The following NDUFAF6 variants were observed in gnomAD, a reference collection of about 807,000 sequenced individuals.
NDUFAF6 encodes NADH:ubiquinone oxidoreductase complex assembly factor 6.
In NDUFAF6, 45 loss-of-function variants were observed where a neutral mutation model predicts 40.8. The ratio of observed to expected loss-of-function variants is 1.10; its 90% CI spans 0.87 to 1.42. The LOEUF is 1.42. NDUFAF6 is among the 40% of genes most tolerant of loss of function. NDUFAF6 has a pLI of 0.00. For missense variants in NDUFAF6, 435 were observed against 418.5 expected, an observed-to-expected ratio of 1.04 and a Z score of -0.34; for synonymous variants, 185 against 155.9, an observed-to-expected ratio of 1.19 and a Z score of -1.39.
intron 1 of NDUFAF6, among the ~76,000 whole-genome samples, chr8:95,027,690 T>G (rs1235456772): frequency 6.6e-6 from 1 of 152,162 alleles, no homozygotes; most frequent in Non-Finnish European, 1.5e-5. Flanking sequence ...AAAAAATGCT[T>G]AGCAGAGTTC....
intron 1 of NDUFAF6, among the ~76,000 whole-genome samples, chr8:94,961,446 G>A (rs1823562356): frequency 6.6e-6 from 1 of 152,190 alleles, no homozygotes; most frequent in African/African-American, 2.4e-5. Context: ...TTTTGAGACG[G>A]AGTCTCGCTC....
intron 1 of NDUFAF6, among the ~76,000 whole-genome samples, chr8:94,933,648 C>T (rs559259053): frequency 1.3e-5 from 2 of 152,060 alleles, no homozygotes; most frequent in African/African-American, 4.8e-5. Flanking sequence ...GCCTGTAGTC[C>T]CAGCTAATCG....
chr8:95,087,154 C>A (rs777540923), intron 2 of NDUFAF6, among the ~76,000 whole-genome samples: 26 of 151,972 alleles, frequency 1.7e-4, no homozygotes, highest in African/African-American at 2.7e-4. Context: ...TGGATACACA[C>A]ACACAGGCGC....
chr8:94,989,088 T>G (rs1826075279), intron 2 of NDUFAF6: 2 of 152,208 alleles, frequency 1.3e-5, no homozygotes. Flanking sequence ...AAACTCTGCA[T>G]ATACTGAAAA....
intron 2 of NDUFAF6, chr8:95,034,867 T>C: frequency 6.4e-6 from 1 of 155,336 alleles, no homozygotes; most frequent in Non-Finnish European, 1.4e-5. Flanking sequence ...GATTCTTGCC[T>C]GAACCTAAGA....
At chr8:94,958,416 C>G (rs1321577883) in intron 1 of NDUFAF6, among the ~76,000 whole-genome samples, 1 of 151,724 alleles carries the variant, frequency 6.6e-6, no homozygotes, top group Non-Finnish European at 1.5e-5. Context: ...TGTCTGCATC[C>G]TAATCTCCTC....
chr8:94,978,945 A>C (rs1180905227), intron 1 of NDUFAF6, among the ~76,000 whole-genome samples: 1 of 152,140 alleles, frequency 6.6e-6, no homozygotes, highest in African/African-American at 2.4e-5. Flanking sequence ...TAGTGTCATA[A>C]TTAAATTGTG....
chr8:95,082,854 G>A (rs1010392734), intron 2 of NDUFAF6, among the ~76,000 whole-genome samples: 14 of 152,108 alleles, frequency 9.2e-5, no homozygotes, highest in African/African-American at 3.4e-4. Flanking sequence ...TAGAGACGGG[G>A]TTTCACCGTT....
At chr8:95,048,629 G>T in intron 7 of NDUFAF6, 71 bp downstream of exon 7, 1 of 1,069,314 alleles carries the variant, frequency 9.4e-7, no homozygotes, top group South Asian at 1.3e-5. Context: ...CTTAGAACAT[G>T]GTTATGATAT....
intron 2 of NDUFAF6, among the ~76,000 whole-genome samples, chr8:95,087,335 A>G (rs1481498358): frequency 6.6e-6 from 1 of 152,074 alleles, no homozygotes; most frequent in Non-Finnish European, 1.5e-5. Flanking sequence ...TTATACCCAT[A>G]TCTGTGATTC....
At chr8:95,042,920 C>A (rs73276474) in intron 4 of NDUFAF6, among the ~76,000 whole-genome samples, 4,686 of 152,204 alleles carry the variant, frequency 0.031, 247 homozygotes, top group African/African-American at 0.1. Context: ...TGCTGGGACA[C>A]TTGGATACCT....
downstream of NDUFAF6, among the ~76,000 whole-genome samples, chr8:95,105,586 G>T (rs146115418): frequency 0.012 from 1,867 of 152,098 alleles, 14 homozygotes; most frequent in Middle Eastern, 0.02. Flanking sequence ...CCAGGCTGGA[G>T]TGCCTCCTGG....
At chr8:95,045,892 A>G (rs1340840394) in intron 5 of NDUFAF6, among the ~76,000 whole-genome samples, 2 of 152,110 alleles carry the variant, frequency 1.3e-5, no homozygotes, top group Non-Finnish European at 2.9e-5. Flanking sequence ...GAATGTTGAA[A>G]TTAATAATCT....
chr8:95,064,112 G>A (rs75901866), intron 9 of NDUFAF6, among the ~76,000 whole-genome samples: 2 of 141,838 alleles, frequency 1.4e-5, no homozygotes, highest in Non-Finnish European at 1.5e-5. Flanking sequence ...GGATGGTCTC[G>A]ATCTCCTGAC....
intron 6 of NDUFAF6, among the ~76,000 whole-genome samples, chr8:95,047,658 C>T (rs574300374): frequency 6.0e-5 from 9 of 151,146 alleles, no homozygotes; most frequent in East Asian, 2.0e-4. Context: ...TACAGGCGCC[C>T]GCCACCACGC....
chr8:94,935,278 C>T (rs2956197), intron 1 of NDUFAF6, among the ~76,000 whole-genome samples: 1 of 152,144 alleles, frequency 6.6e-6, no homozygotes, highest in African/African-American at 2.4e-5. Context: ...GACCCTCAAC[C>T]TAAGAGAGGG....
chr8:95,058,356 A>G lies in NDUFAF6; in HGVS notation c.*419A>G. The G allele has an allele frequency of 8.1e-7, 1 of 1,237,170 alleles. No homozygotes were observed. Among genetic ancestry groups the G allele is most frequent in the African/African-American group, 1.5e-5 (1 of 64,594 alleles). The allele number at this position is 1,237,170 out of a possible 1,614,324, so 76.6% of individuals were successfully genotyped here. ...GAGCAGCTATAACCTAGGTGTTCAG[A>G]ACACCTGGAAGATGCATTTATTTAG... On this transcript the variant is annotated 3_prime_UTR_variant, in exon 9 of 9. Transcript: ENST00000396124.
At chr8:95,088,483 C>G (rs780601748) in intron 2 of NDUFAF6, among the ~76,000 whole-genome samples, 9 of 152,202 alleles carry the variant, frequency 5.9e-5, no homozygotes, top group Non-Finnish European at 1.3e-4. Flanking sequence ...CCACCCAAAA[C>G]ACACCTACCT....
intron 1 of NDUFAF6, among the ~76,000 whole-genome samples, chr8:94,940,656 A>G (rs1586736728): frequency 6.6e-6 from 1 of 152,200 alleles, no homozygotes; most frequent in African/African-American, 2.4e-5. Flanking sequence ...ATGTCAGTCA[A>G]TTTCACTGAC....
Sources: gnomAD v4.1 joint callset for allele counts (sites outside exome capture counted in the v4.1 genomes callset) on GRCh38, gnomAD v4.1.1 for gene constraint, MANE v1.5 for transcripts, NCBI Gene and HGNC (gene_info 2026-07-23, HGNC 2026-07-21) for gene names.